The following PLCXD1 variants were observed in gnomAD, a reference collection of about 807,000 sequenced individuals.
The protein encoded by PLCXD1 is PI-PLC X domain-containing protein 1.
In PLCXD1, 45 loss-of-function variants were observed where a neutral mutation model predicts 37.8. The ratio of observed to expected loss-of-function variants is 1.19; its 90% CI spans 0.94 to 1.53. PLCXD1 has a LOEUF of 1.53. Among genes scored for constraint, PLCXD1 ranks in the 40% most tolerant of loss-of-function variants. The pLI is 0.00. For synonymous variants in PLCXD1, 246 were observed against 206.9 expected (o/e 1.19, Z -1.62); for missense variants, 539 against 454.7 (o/e 1.19, Z -1.69).
At position 288,716 on chromosome X, in the gene PLCXD1, G is replaced by A. The variant is rs6644979; in HGVS notation, c.128-17G>A. On this transcript the variant is annotated splice_polypyrimidine_tract_variant and intron_variant, in intron 2 of 6. Transcript: ENST00000381657. The stretch of plus-strand genomic sequence containing the variant: ...CGGACTCGTGGTGACATGTCCGCGT[G>A]TGTGCTTTGCTCTCAGGGAGCCACG... 4,387 of 1,613,660 alleles carry A rather than the reference G, an allele frequency of 2.7e-3. 105 individuals carry two copies. In the African/African-American group the frequency reaches 0.051, roughly 19 times the overall value.
At chrX:291,759 T>C in intron 5 of PLCXD1, 105 bp downstream of exon 5, 1 of 1,293,782 alleles carries the variant, frequency 7.7e-7, no homozygotes, top group South Asian at 1.2e-5. Flanking sequence ...ATGATTCCTG[T>C]AGCAGGTGAA....
chrX:276,740 C>T (rs1431668442), upstream of PLCXD1, among the ~76,000 whole-genome samples: 2 of 152,154 alleles, frequency 1.3e-5, no homozygotes, highest in Non-Finnish European at 2.9e-5. Context: ...ACGTCCTCAC[C>T]CTGCCGCCGG....
chrX:287,495 T>C (rs1176632832), intron 2 of PLCXD1, among the ~76,000 whole-genome samples: 1 of 128,236 alleles, frequency 7.8e-6, no homozygotes, highest in South Asian at 2.3e-4. Flanking sequence ...TATATAGATA[T>C]AGATACTATA....
chrX:282,610 CAGG>C (rs2069304686), intron 1 of PLCXD1, among the ~76,000 whole-genome samples: 1 of 150,088 alleles, frequency 6.7e-6, no homozygotes, highest in Non-Finnish European at 1.5e-5. Flanking sequence ...GAGGCTGAGG[CAGG>C]AGAATTGCTT....
intron 5 of PLCXD1, 36 bp from the exon 6 acceptor site, chrX:292,999 C>T: frequency 1.3e-6 from 2 of 1,513,044 alleles, no homozygotes; most frequent in African/African-American, 2.8e-5. Flanking sequence ...CGGCTCTCCT[C>T]TCTCCCCTGC....
upstream of PLCXD1, among the ~76,000 whole-genome samples, chrX:277,096 G>A (rs2069171411): frequency 6.6e-6 from 1 of 152,154 alleles, no homozygotes; most frequent in Non-Finnish European, 1.5e-5. Flanking sequence ...CCACTCCGCT[G>A]TGCCGTCCGG....
At chrX:280,435 G>A (rs868364152), upstream of PLCXD1, among the ~76,000 whole-genome samples, 8 of 43,342 alleles carry the variant, frequency 1.8e-4, no homozygotes, top group East Asian at 8.3e-4. Flanking sequence ...TGCAGGGGGA[G>A]GGGAGGCCGT....
upstream of PLCXD1, among the ~76,000 whole-genome samples, chrX:280,451 A>C (rs867518130): frequency 2.4e-4 from 2 of 8,302 alleles, no homozygotes; most frequent in Non-Finnish European, 2.3e-4. Context: ...GCCGTGCAGG[A>C]GGAGGGGAGG....
At chrX:299,046 G>T in intron 6 of PLCXD1, 51 bp from the exon 7 acceptor site, 1 of 1,339,860 alleles carries the variant, frequency 7.5e-7, no homozygotes, top group Non-Finnish European at 1.1e-6. Context: ...GGGAGAAACA[G>T]GCGGGTGAGG....
At position 299,267 on chromosome X, in the gene PLCXD1, G is replaced by T. The variant is rs753124249; in HGVS notation, c.904G>T (p.Asp302Tyr). ...GSRCTNIIAG[D>Y]FIGADGFVSD... ...ACGGTGCACCAACATCATCGCGGGGGACTTCATCGGCGCAGACGGCTTCGT... is the reference window on the plus strand; with the variant it reads ...ACGGTGCACCAACATCATCGCGGGGTACTTCATCGGCGCAGACGGCTTCGT... The change falls in exon 7 of 7, where the codon GAC becomes TAC. Residue 302 changes from aspartate (D) to tyrosine (Y), a missense_variant. By Grantham distance (160) the Asp-to-Tyr change is radical (BLOSUM62 -3). Transcript: ENST00000381657. 1.8e-5 allele frequency: 29 copies of T among 1,613,784 alleles called. No homozygotes were observed. Among genetic ancestry groups the T allele is most frequent in the Non-Finnish European group, 2.4e-5 (28 of 1,179,876 alleles).
At chrX:294,677 G>A (rs898399491) in intron 6 of PLCXD1, among the ~76,000 whole-genome samples, 3 of 151,654 alleles carry the variant, frequency 2.0e-5, no homozygotes, top group East Asian at 1.9e-4. Context: ...GGTGATGCGC[G>A]CCTATAATCC....
At chrX:277,806 T>G (rs377315646), upstream of PLCXD1, among the ~76,000 whole-genome samples, 1 of 1,146 alleles carries the variant, frequency 8.7e-4, no homozygotes, top group Non-Finnish European at 1.8e-3. Context: ...GGGACAGGAG[T>G]GGACACCCCT....
intron 5 of PLCXD1, among the ~76,000 whole-genome samples, chrX:292,407 C>T (rs1417096370): frequency 2.0e-5 from 3 of 151,714 alleles, no homozygotes; most frequent in Non-Finnish European, 2.9e-5. Flanking sequence ...TGCAGTGAGC[C>T]GAGATCGCGC....
chrX:293,283 G>C, intron 6 of PLCXD1, 65 bp downstream of exon 6: 1 of 1,239,192 alleles, frequency 8.1e-7, no homozygotes, highest in Non-Finnish European at 1.2e-6. Context: ...GCGGCAGGCC[G>C]GGTCCACATG....
Position 290,763 on chromosome X carries a change from C to T in PLCXD1, c.380C>T (p.Thr127Met), listed in dbSNP as rs140546575. 374 of 1,606,984 alleles carry T rather than the reference C, an allele frequency of 2.3e-4. No individual in the cohort carries two copies. Among genetic ancestry groups the T allele is most frequent in the Non-Finnish European group, 2.9e-4 (347 of 1,178,658 alleles). Residue 127 changes from threonine (T) to methionine (M), a missense_variant, in exon 4 of 7, where the codon ACG (threonine) becomes ATG (methionine). By Grantham distance (81) the Thr-to-Met change is moderately conservative. Transcript: ENST00000381657. ...CACTTTGTCCATATGGTGTACACAA[C>T]GGCGCTGGTGGAGGTGCGGCCGGGC... ...NLHFVHMVYT[T>M]ALVEDTLTEI...
intron 6 of PLCXD1, among the ~76,000 whole-genome samples, chrX:294,362 A>C (rs769506187): frequency 6.6e-5 from 10 of 152,022 alleles, no homozygotes; most frequent in Non-Finnish European, 1.0e-4. Flanking sequence ...GGCGCCTGTA[A>C]TCCCAGCTAC....
At chrX:287,619 A>G (rs1391504476) in intron 2 of PLCXD1, among the ~76,000 whole-genome samples, 1 of 88,498 alleles carries the variant, frequency 1.1e-5, no homozygotes, top group African/African-American at 3.8e-5. Flanking sequence ...TATAGATACT[A>G]TATATGTTTA....
intron 6 of PLCXD1, among the ~76,000 whole-genome samples, chrX:295,586 G>A (rs141968357): frequency 0.021 from 3,250 of 151,192 alleles, 126 homozygotes; most frequent in African/African-American, 0.074. Context: ...GTGCAGTGGC[G>A]CGATCTCGGC....
At chrX:294,342 C>T (rs1343084047) in intron 6 of PLCXD1, among the ~76,000 whole-genome samples, 14 of 152,168 alleles carry the variant, frequency 9.2e-5, no homozygotes, top group African/African-American at 2.6e-4. Flanking sequence ...ATTAGCCGGG[C>T]GTGGTGGCGG....
Sources: gnomAD v4.1 joint callset for allele counts (sites outside exome capture counted in the v4.1 genomes callset) on GRCh38, gnomAD v4.1.1 for gene constraint, MANE v1.5 for transcripts, NCBI Gene and HGNC (gene_info 2026-07-23, HGNC 2026-07-21) for gene names.